ADGRL3: variants seen among roughly 807,000 people sequenced by gnomAD.
ADGRL3 encodes the protein calcium-independent alpha-latrotoxin receptor 3.
In ADGRL3, 62 loss-of-function variants were observed where a neutral mutation model predicts 153.5. The observed-to-expected ratio is 0.40, with a 90% confidence interval of 0.33 to 0.50. The LOEUF is 0.50. Among genes scored for constraint, ADGRL3 ranks in the 20% least tolerant of loss-of-function variants. The pLI, the probability that ADGRL3 is intolerant of heterozygous loss-of-function variation, is 0.47. For missense variants in ADGRL3, 1,641 were observed against 1,859.4 expected (o/e 0.88, Z 2.16); for synonymous variants, 710 against 672.5 (o/e 1.06, Z -0.86).
chr4:61,319,882 T>C (rs1268522776), intron 1 of ADGRL3, among the ~76,000 whole-genome samples: 3 of 152,190 alleles, frequency 2.0e-5, no homozygotes. Context: ...TTGTTTCTCC[T>C]CTGGTATGTA....
intron 2 of ADGRL3, among the ~76,000 whole-genome samples, chr4:61,390,219 C>T (rs1328935275): frequency 2.6e-5 from 4 of 151,982 alleles, no homozygotes; most frequent in African/African-American, 9.7e-5. Flanking sequence ...TCTGTTAACT[C>T]TCTATTTTTT....
At chr4:61,692,036 G>A (rs897281013) in intron 6 of ADGRL3, among the ~76,000 whole-genome samples, 2 of 152,106 alleles carry the variant, frequency 1.3e-5, no homozygotes, top group African/African-American at 4.8e-5. Context: ...AATAAAAATA[G>A]ATTATGACTC....
chr4:61,953,617 T>C (rs967458440), intron 17 of ADGRL3, among the ~76,000 whole-genome samples: 14 of 152,100 alleles, frequency 9.2e-5, no homozygotes, highest in African/African-American at 3.4e-4. Context: ...AAAAAACTCA[T>C]ATTTTTAGAG....
At chr4:61,553,424 G>A (rs936879582) in intron 4 of ADGRL3, among the ~76,000 whole-genome samples, 2 of 152,098 alleles carry the variant, frequency 1.3e-5, no homozygotes, top group Non-Finnish European at 2.9e-5. Context: ...TCTTGAGTTC[G>A]ATAAAATAAT....
At chr4:61,466,329 A>G (rs973250964) in intron 2 of ADGRL3, among the ~76,000 whole-genome samples, 6 of 152,284 alleles carry the variant, frequency 3.9e-5, no homozygotes, top group East Asian at 1.9e-4. Flanking sequence ...TGCAAAATGT[A>G]TATTAACTCA....
chr4:61,413,643 CT>C (rs2097112685), intron 2 of ADGRL3, among the ~76,000 whole-genome samples: 1 of 152,136 alleles, frequency 6.6e-6, no homozygotes, highest in South Asian at 2.1e-4. Context: ...TTTCCTGGTT[CT>C]TTGGCTCAGG....
intron 23 of ADGRL3, among the ~76,000 whole-genome samples, chr4:62,031,837 A>C (rs1722214897): frequency 6.6e-6 from 1 of 151,582 alleles, no homozygotes; most frequent in Non-Finnish European, 1.5e-5. Context: ...TAAACAGTGA[A>C]CAAAAATTAT....
At chr4:61,585,068 C>A (rs2098940886) in intron 4 of ADGRL3, among the ~76,000 whole-genome samples, 1 of 151,892 alleles carries the variant, frequency 6.6e-6, no homozygotes, top group South Asian at 2.1e-4. Flanking sequence ...AACATTATAA[C>A]CAACCTTTAA....
At chr4:62,063,986 A>G (rs1741603188) in intron 25 of ADGRL3, among the ~76,000 whole-genome samples, 1 of 152,136 alleles carries the variant, frequency 6.6e-6, no homozygotes, top group Non-Finnish European at 1.5e-5. Flanking sequence ...GGTAAGTAAT[A>G]TAAAAGAAGA....
intron 2 of ADGRL3, among the ~76,000 whole-genome samples, chr4:61,409,271 A>G (rs1220918736): frequency 7.5e-6 from 1 of 134,156 alleles, no homozygotes; most frequent in East Asian, 2.0e-4. Flanking sequence ...TATTAGACAT[A>G]CATAATATAT....
chr4:61,840,634 A>C (rs2098016186), intron 9 of ADGRL3, among the ~76,000 whole-genome samples: 1 of 152,114 alleles, frequency 6.6e-6, no homozygotes, highest in African/African-American at 2.4e-5. Context: ...GGAGGTTATA[A>C]TAAATGTATT....
rs1026061943 is a variant in ADGRL3, at chr4:62,074,010, G to A, written c.*3102G>A. ...ATTTTGTCCTGTTTACACTAGCAAG[G>A]GTTGAATTCCTGAACTTGAATCTTT... On this transcript the variant is annotated 3_prime_UTR_variant, in exon 27 of 27. Coordinates refer to ENST00000683033, the MANE Select transcript of ADGRL3 (RefSeq NM_001387552.1). 3.3e-5 allele frequency: 5 copies of A among 151,854 alleles called. No homozygotes were observed. The highest frequency in any genetic ancestry group is 1.3e-4 in the Admixed American group (2 of 15,222). 9.4% of individuals were successfully genotyped at this position (151,854 alleles called of 1,614,324 possible).
intron 8 of ADGRL3, among the ~76,000 whole-genome samples, chr4:61,804,704 T>G (rs2097534479): frequency 6.6e-6 from 1 of 152,150 alleles, no homozygotes. Flanking sequence ...CTCAAGAGCT[T>G]ATATGAAGAA....
chr4:61,465,982 C>T (rs1296234884), intron 2 of ADGRL3, among the ~76,000 whole-genome samples: 6 of 151,476 alleles, frequency 4.0e-5, no homozygotes, highest in East Asian at 3.9e-4. Flanking sequence ...ATTAGCTAGA[C>T]GTGGCAGCAT....
chr4:61,291,175 TAC>T lies in ADGRL3; in HGVS notation c.-240+89451_-240+89452del, dbSNP rs68037459. Among the ~76,000 whole-genome samples, 1,082 of 135,462 alleles carry T rather than the reference TAC, an allele frequency of 8.0e-3. 15 individuals are homozygous for T. The highest frequency in any genetic ancestry group is 0.027 in the East Asian group (124 of 4,586). The allele number at this position is 135,462 out of a possible 152,430, so 88.9% of individuals were successfully genotyped here. A position where few individuals can be genotyped will look rare whatever the true frequency, so the allele number is the denominator to read the frequency against. On this transcript the variant is annotated intron_variant, in intron 1 of 26. Coordinates refer to ENST00000683033, the MANE Select transcript of ADGRL3 (RefSeq NM_001387552.1). Reference sequence around the variant, plus strand: ...AGGCCTAAGATTTTGCCTGGATCAATACACACACACACACACACACACACACA... The same window carrying T: ...AGGCCTAAGATTTTGCCTGGATCAATACACACACACACACACACACACACA...
intron 15 of ADGRL3, among the ~76,000 whole-genome samples, chr4:61,945,791 G>A (rs530422498): frequency 2.0e-4 from 30 of 151,752 alleles, no homozygotes; most frequent in African/African-American, 5.1e-4. Context: ...GCCCTGCTTC[G>A]GCTCGCGCAC....
chr4:61,886,698 G>A (rs563813210), intron 9 of ADGRL3, among the ~76,000 whole-genome samples: 1 of 152,224 alleles, frequency 6.6e-6, no homozygotes, highest in African/African-American at 2.4e-5. Flanking sequence ...CTGTAGTGCA[G>A]TGGGGCAACC....
At chr4:61,967,901 C>T (rs970020786) in intron 17 of ADGRL3, among the ~76,000 whole-genome samples, 5 of 152,092 alleles carry the variant, frequency 3.3e-5, no homozygotes, top group African/African-American at 1.2e-4. Flanking sequence ...GTTCTAGAGG[C>T]TAGGAAGTCC....
chr4:61,499,891 A>G (rs1013830443), intron 3 of ADGRL3, among the ~76,000 whole-genome samples: 6 of 152,074 alleles, frequency 3.9e-5, no homozygotes, highest in Non-Finnish European at 8.8e-5. Flanking sequence ...ACTGACACAT[A>G]CTATGTATTT....
Sources: allele counts gnomAD v4.1 joint callset (sites outside exome capture counted in the v4.1 genomes callset), GRCh38; gene constraint gnomAD v4.1.1; transcripts MANE v1.5; gene names NCBI Gene and HGNC (gene_info 2026-07-23, HGNC 2026-07-21).